The following CREB5 variants were observed in gnomAD, a reference collection of about 807,000 sequenced individuals.
The protein encoded by CREB5 is cyclic AMP-responsive element-binding protein 5.
A neutral mutation model predicts 57.1 loss-of-function variants in CREB5; 19 were observed. That is an observed-to-expected ratio of 0.33 (90% CI 0.23 to 0.49). CREB5 has a LOEUF of 0.49. Among genes scored for constraint, CREB5 ranks in the 20% least tolerant of loss-of-function variants. The probability of loss-of-function intolerance (pLI) is 0.99; values close to 1 mark genes in which losing one functional copy is unlikely to be tolerated. For missense variants in CREB5, 579 were observed against 671.6 expected, an observed-to-expected ratio of 0.86 and a Z score of 1.52; for synonymous variants, 238 against 238.3, an observed-to-expected ratio of 1.00 and a Z score of 0.01.
intron 1 of CREB5, among the ~76,000 whole-genome samples, chr7:28,360,533 CAG>C (rs1176636839): frequency 6.6e-6 from 1 of 152,034 alleles, no homozygotes; most frequent in East Asian, 1.9e-4. Flanking sequence ...CTCACAGAAG[CAG>C]AGAGTACTGT....
chr7:28,317,084 T>C (rs1785397780), intron 1 of CREB5, among the ~76,000 whole-genome samples: 1 of 151,090 alleles, frequency 6.6e-6, no homozygotes, highest in Non-Finnish European at 1.5e-5. Context: ...TTGGCAGAAA[T>C]ACAAAAGGAG....
At chr7:28,448,623 A>G (rs746745787) in intron 1 of CREB5, among the ~76,000 whole-genome samples, 17 of 152,340 alleles carry the variant, frequency 1.1e-4, no homozygotes, top group Non-Finnish European at 2.1e-4. Flanking sequence ...TTAACCTTCT[A>G]AATTCTTCAG....
At position 28,348,756 on chromosome 7, in the gene CREB5, A is replaced by C. The variant is rs79360698; in HGVS notation, c.-25+49315A>C. On this transcript the variant is annotated intron_variant, in intron 1 of 9. Transcript: ENST00000396299. ...TGGCAATGAGACAGCAATTCAAGCC[A>C]GTCCAGGTACAGAACAAAGTGGTGC... Among the ~76,000 whole-genome samples the C allele has an allele frequency of 1.4e-3, 209 of 152,268 alleles. 5 individuals carry two copies. The East Asian group carries it at 0.036, about 26-fold the overall frequency.
At position 28,809,312 on chromosome 7, in the gene CREB5, G is replaced by C. The variant is rs1583796898; in HGVS notation, c.1152G>C (p.Arg384=). 1 of 1,614,066 alleles carries C rather than the reference G, an allele frequency of 6.2e-7. No individual in the cohort carries two copies. Among genetic ancestry groups the C allele is most frequent in the African/African-American group, 1.3e-5 (1 of 74,916 alleles). ...AGAGGCGGCGGAAATTTCTGGAACG[G>C]AACCGGGCAGCTGCCACCCGCTGCA... ...PDERRRKFLE[R]NRAAATRCRQ... is the part of the protein sequence containing the mutation. Residue 384 remains arginine (R), a synonymous_variant, in exon 9 of 11, where the codon CGG becomes CGC. Coordinates refer to ENST00000357727, the MANE Select transcript of CREB5 (RefSeq NM_182898.4).
At chr7:28,638,681 G>A (rs1798524923) in intron 5 of CREB5, among the ~76,000 whole-genome samples, 1 of 152,094 alleles carries the variant, frequency 6.6e-6, no homozygotes, top group Non-Finnish European at 1.5e-5. Context: ...AAGAGAGAAT[G>A]CACCAATACA....
chr7:28,585,596 T>A (rs1486684220), intron 5 of CREB5, among the ~76,000 whole-genome samples: 1 of 152,202 alleles, frequency 6.6e-6, no homozygotes, highest in Non-Finnish European at 1.5e-5. Flanking sequence ...CTTTTCCTAA[T>A]TCTTTTTGAA....
rs77886853 is a variant in CREB5 at position 28,673,123 on chromosome 7, A to G, written c.465-45630A>G. 4.3e-3 allele frequency among the ~76,000 whole-genome samples: 654 copies of G among 152,318 alleles called. 4 individuals are homozygous for G. Among genetic ancestry groups the G allele is most frequent in the African/African-American group, 0.015 (622 of 41,564 alleles). ...AATTTGGATTTACCCAGAGTAATAC[A>G]AGGATTTTCAGAAACATCCACAATT... On this transcript the variant is annotated intron_variant, in intron 5 of 10. Coordinates refer to ENST00000357727, the MANE Select transcript of CREB5 (RefSeq NM_182898.4).
chr7:28,410,670 C>T (rs1226151105), upstream of CREB5: 1 of 411,410 alleles, frequency 2.4e-6, no homozygotes, highest in Non-Finnish European at 4.9e-6. Context: ...ATTTCGTTGT[C>T]AGTCTGCAGA....
chr7:28,361,097 T>C lies in CREB5; in HGVS notation c.-25+61656T>C, dbSNP rs1408337985. On this transcript the variant is annotated intron_variant, in intron 1 of 9. Coordinates refer to the CREB5 transcript ENST00000396299. ...GTCCTGAGGCTAAACACCTCTGATT[T>C]ATTTTAATAAACCTCAGCTAAAAAA... Among the ~76,000 whole-genome samples, 5 of 152,176 alleles carry C rather than the reference T, an allele frequency of 3.3e-5. No individual in the cohort carries two copies. The East Asian group carries it at 9.6e-4, about 29-fold the overall frequency.
chr7:28,488,891 T>C (rs1324161632), intron 2 of CREB5, among the ~76,000 whole-genome samples: 1 of 152,226 alleles, frequency 6.6e-6, no homozygotes, highest in Non-Finnish European at 1.5e-5. Context: ...ACGAGCTCAA[T>C]TATTGTCCAC....
At chr7:28,553,221 A>G (rs529778008) in intron 4 of CREB5, among the ~76,000 whole-genome samples, 1 of 152,344 alleles carries the variant, frequency 6.6e-6, no homozygotes, top group Admixed American at 6.5e-5. Context: ...TTTATAAAAC[A>G]TGATCCAAAT....
At chr7:28,737,560 T>C (rs1025753632) in intron 7 of CREB5, among the ~76,000 whole-genome samples, 10 of 107,484 alleles carry the variant, frequency 9.3e-5, no homozygotes, top group East Asian at 7.9e-4. Context: ...TATATATATA[T>C]ATATATATAT....
At chr7:28,482,113 T>C (rs1366932742) in intron 1 of CREB5, among the ~76,000 whole-genome samples, 1 of 152,222 alleles carries the variant, frequency 6.6e-6, no homozygotes, top group Non-Finnish European at 1.5e-5. Flanking sequence ...CTACAGTGTT[T>C]TACTACAATG....
rs567137849 is a variant in CREB5 at position 28,822,117 on chromosome 7, A to T, written c.*2838A>T. On this transcript the variant is annotated 3_prime_UTR_variant, in exon 11 of 11. Coordinates refer to ENST00000357727, the MANE Select transcript of CREB5 (RefSeq NM_182898.4). ...ATGTCTGTTTTTTATGCTAAGTAGG[A>T]AAACCAACCACACACATTAGCAAAC... is the stretch of plus-strand genomic sequence containing the variant. 6.6e-6 allele frequency: 1 copy of T among 152,374 alleles called. No individual in the cohort carries two copies. The highest frequency in any genetic ancestry group is 1.5e-5 in the Non-Finnish European group (1 of 68,036). The allele number at this position is 152,374 out of a possible 1,614,324, so 9.4% of individuals were successfully genotyped here.
At chr7:28,766,359 A>G (rs1805987486) in intron 7 of CREB5, among the ~76,000 whole-genome samples, 1 of 152,128 alleles carries the variant, frequency 6.6e-6, no homozygotes, top group African/African-American at 2.4e-5. Context: ...CAACTCCACT[A>G]GCCGTGAGCC....
intron 3 of CREB5, among the ~76,000 whole-genome samples, chr7:28,500,946 G>A (rs1792249386): frequency 6.6e-6 from 1 of 152,098 alleles, no homozygotes; most frequent in African/African-American, 2.4e-5. Flanking sequence ...GCAGAGGGTG[G>A]GGGAGATGGC....
At chr7:28,771,353 A>T (rs1453045814) in intron 7 of CREB5, among the ~76,000 whole-genome samples, 1 of 152,144 alleles carries the variant, frequency 6.6e-6, no homozygotes, top group East Asian at 1.9e-4. Context: ...ACGTTCCCTC[A>T]TCAAGGGAGC....
intron 5 of CREB5, among the ~76,000 whole-genome samples, chr7:28,651,317 G>A (rs536651914): frequency 2.0e-5 from 3 of 152,298 alleles, no homozygotes; most frequent in Admixed American, 6.5e-5. Context: ...ATGCATTCTT[G>A]AGGAAAGGGC....
At chr7:28,522,724 G>A (rs3857730) in intron 4 of CREB5, among the ~76,000 whole-genome samples, 2,556 of 152,200 alleles carry the variant, frequency 0.017, 70 homozygotes, top group East Asian at 0.12. Context: ...AAAGTCCTTC[G>A]TAAGGCTTCT....
Sources: gnomAD v4.1 joint callset for allele counts (sites outside exome capture counted in the v4.1 genomes callset) on GRCh38, gnomAD v4.1.1 for gene constraint, MANE v1.5 for transcripts, NCBI Gene and HGNC (gene_info 2026-07-23, HGNC 2026-07-21) for gene names.